Variants in GABRB1 observed in about 807,000 individuals in gnomAD.
The protein encoded by GABRB1 is gamma-aminobutyric acid type A receptor subunit beta1, also known as gamma-aminobutyric acid receptor subunit beta-1.
In GABRB1, 17 loss-of-function variants were observed where a neutral mutation model predicts 51.6. That is an observed-to-expected ratio of 0.33 (90% CI 0.23 to 0.49). The LOEUF is 0.49. Among genes scored for constraint, GABRB1 ranks in the 20% least tolerant of loss-of-function variants. The pLI is 0.99. For synonymous variants in GABRB1, 247 were observed against 218.9 expected, an observed-to-expected ratio of 1.13 and a Z score of -1.14; for missense variants, 410 against 600.6, an observed-to-expected ratio of 0.68 and a Z score of 3.32.
At chr4:47,248,911 A>T (rs1334675550) in intron 4 of GABRB1, among the ~76,000 whole-genome samples, 1 of 152,012 alleles carries the variant, frequency 6.6e-6, no homozygotes, top group African/African-American at 2.4e-5. Flanking sequence ...TTCTTGGTTA[A>T]TATTGCTAAT....
intron 4 of GABRB1, among the ~76,000 whole-genome samples, chr4:47,244,546 T>C (rs1165459674): frequency 1.3e-5 from 2 of 152,206 alleles, no homozygotes; most frequent in African/African-American, 4.8e-5. Context: ...TATTAATTAT[T>C]GCCTCAATTT....
chr4:47,396,530 A>C (rs1454634646), intron 5 of GABRB1, among the ~76,000 whole-genome samples: 1 of 152,178 alleles, frequency 6.6e-6, no homozygotes, highest in African/African-American at 2.4e-5. Context: ...AATTTCTAGA[A>C]GGAAATTTCT....
intron 3 of GABRB1, among the ~76,000 whole-genome samples, chr4:47,158,580 C>T (rs962305435): frequency 6.6e-6 from 1 of 152,064 alleles, no homozygotes; most frequent in Non-Finnish European, 1.5e-5. Flanking sequence ...AATGAGGAAT[C>T]GGTATAAGCT....
At chr4:47,150,255 A>C (rs996936904) in intron 3 of GABRB1, among the ~76,000 whole-genome samples, 9 of 150,082 alleles carry the variant, frequency 6.0e-5, no homozygotes, top group Admixed American at 1.3e-4. Context: ...GGTGAGCATG[A>C]CAAAAGCCAA....
chr4:47,119,919 G>A (rs1264835187), intron 3 of GABRB1, among the ~76,000 whole-genome samples: 5 of 151,976 alleles, frequency 3.3e-5, no homozygotes, highest in Non-Finnish European at 7.4e-5. Context: ...AGGGCATGTG[G>A]CCAATAAGCT....
chr4:47,335,627 C>T (rs886597510), intron 5 of GABRB1, among the ~76,000 whole-genome samples: 2 of 152,118 alleles, frequency 1.3e-5, no homozygotes, highest in African/African-American at 2.4e-5. Flanking sequence ...TCTTCTGCTA[C>T]GTTGATACCA....
At position 47,038,110 on chromosome 4, in the gene GABRB1, T is replaced by TA. The variant is rs888079419; in HGVS notation, c.240+5633dup. 3.9e-5 allele frequency among the ~76,000 whole-genome samples: 6 copies of TA among 152,278 alleles called. No individual in the cohort carries two copies. In the East Asian group the frequency reaches 9.6e-4, roughly 24 times the overall value. ...TTAAAGATTTTAGACTCCCTCAAAA[T>TA]AAAAAAATCTTTGTCTCCATCTTAC... On this transcript the variant is annotated intron_variant, in intron 3 of 8. Coordinates refer to ENST00000295454, the MANE Select transcript of GABRB1 (RefSeq NM_000812.4).
chr4:47,201,185 C>G (rs1302681789), intron 4 of GABRB1, among the ~76,000 whole-genome samples: 1 of 151,868 alleles, frequency 6.6e-6, no homozygotes, highest in South Asian at 2.1e-4. Context: ...TATTGAGGAA[C>G]AAGGGAGACC....
intron 4 of GABRB1, among the ~76,000 whole-genome samples, chr4:47,194,390 CTT>C (rs1242630022): frequency 6.6e-6 from 1 of 152,158 alleles, no homozygotes; most frequent in African/African-American, 2.4e-5. Flanking sequence ...TGCCAATCCT[CTT>C]GTTTTGCCTT....
intron 3 of GABRB1, among the ~76,000 whole-genome samples, chr4:47,037,557 GT>G (rs11436333): frequency 3.5e-5 from 5 of 143,768 alleles, no homozygotes; most frequent in African/African-American, 7.7e-5. Context: ...GTTGTTTTTT[GT>G]TTTTTTTTTT....
In GABRB1 at chr4:47,053,736, G is replaced by T. The variant is rs1363039394; in HGVS notation, c.240+21252G>T. Among the ~76,000 whole-genome samples the T allele has an allele frequency of 2.6e-5, 4 of 152,196 alleles. No homozygotes were observed. In the East Asian group the frequency reaches 7.7e-4, roughly 29 times the overall value. On this transcript the variant is annotated intron_variant, in intron 3 of 8. Transcript: ENST00000295454. ...TATCTAGAGAGTGACCGAGCTGAGA[G>T]ATTTCAGCCACCACTCCCAGCAACT... is the stretch of plus-strand genomic sequence containing the variant.
At chr4:47,256,001 A>G (rs1722183771) in intron 4 of GABRB1, among the ~76,000 whole-genome samples, 1 of 152,192 alleles carries the variant, frequency 6.6e-6, no homozygotes, top group Non-Finnish European at 1.5e-5. Context: ...AAGAGTACAA[A>G]TTTAGTCCGA....
intron 1 of GABRB1, among the ~76,000 whole-genome samples, chr4:47,019,911 T>C (rs533663997): frequency 2.0e-5 from 3 of 148,350 alleles, no homozygotes; most frequent in African/African-American, 5.0e-5. Context: ...TATATGTATA[T>C]GTATATGTAT....
chr4:47,353,404 T>G (rs1164356109), intron 5 of GABRB1, among the ~76,000 whole-genome samples: 1 of 152,210 alleles, frequency 6.6e-6, no homozygotes, highest in Non-Finnish European at 1.5e-5. Flanking sequence ...GTTCATAACT[T>G]GATTATTGCT....
At chr4:47,105,710 C>G (rs1248731896) in intron 3 of GABRB1, among the ~76,000 whole-genome samples, 1 of 152,048 alleles carries the variant, frequency 6.6e-6, no homozygotes, top group East Asian at 1.9e-4. Context: ...CCGAGTGAGC[C>G]TTCTTGTCCT....
intron 5 of GABRB1, among the ~76,000 whole-genome samples, chr4:47,348,508 C>A (rs4386575): frequency 6.6e-6 from 1 of 151,952 alleles, no homozygotes; most frequent in African/African-American, 2.4e-5. Flanking sequence ...ATATGAAACA[C>A]AAATGGATTT....
At chr4:47,248,615 G>T (rs1721858065) in intron 4 of GABRB1, among the ~76,000 whole-genome samples, 1 of 151,982 alleles carries the variant, frequency 6.6e-6, no homozygotes, top group African/African-American at 2.4e-5. Flanking sequence ...GTAGAATTCT[G>T]CTGTGAATCC....
chr4:47,203,561 G>A (rs1360320565), intron 4 of GABRB1, among the ~76,000 whole-genome samples: 2 of 152,246 alleles, frequency 1.3e-5, no homozygotes, highest in East Asian at 3.9e-4. Context: ...GAGACATAAA[G>A]AGGATAGAAA....
chr4:47,294,327 G>A (rs1262720686), intron 4 of GABRB1, among the ~76,000 whole-genome samples: 3 of 152,240 alleles, frequency 2.0e-5, no homozygotes, highest in African/African-American at 7.2e-5. Flanking sequence ...GAAAGCACAA[G>A]GGGTCAGGGA....
Sources: gnomAD v4.1 joint callset for allele counts (sites outside exome capture counted in the v4.1 genomes callset) on GRCh38, gnomAD v4.1.1 for gene constraint, MANE v1.5 for transcripts, NCBI Gene and HGNC (gene_info 2026-07-23, HGNC 2026-07-21) for gene names.